Variants in LRP1B observed in about 807,000 individuals in gnomAD.
LRP1B encodes LDL receptor related protein 1B.
A neutral mutation model predicts 556.6 loss-of-function variants in LRP1B; 217 were observed. The ratio of observed to expected loss-of-function variants is 0.39; its 90% CI spans 0.35 to 0.44. The LOEUF is 0.44. LRP1B is among the 20% of genes least tolerant of loss of function. The pLI is 1.00. For synonymous variants in LRP1B, 2,047 were observed against 1,865.8 expected (o/e 1.10, Z -2.50); for missense variants, 5,053 against 5,620.8 (o/e 0.90, Z 3.23).
chr2:140,761,204 T>A (rs1031177626), intron 35 of LRP1B, among the ~76,000 whole-genome samples: 1 of 152,214 alleles, frequency 6.6e-6, no homozygotes, highest in African/African-American at 2.4e-5. Flanking sequence ...TTTACATTAA[T>A]AATTCATTAT....
intron 7 of LRP1B, among the ~76,000 whole-genome samples, chr2:141,182,590 A>G (rs867826725): frequency 1.3e-5 from 2 of 152,132 alleles, no homozygotes; most frequent in Middle Eastern, 3.4e-3. Context: ...AGAAGCTGCA[A>G]CATTTCAATA....
intron 11 of LRP1B, among the ~76,000 whole-genome samples, chr2:141,034,976 G>A (rs561098275): frequency 3.9e-5 from 6 of 151,928 alleles, no homozygotes; most frequent in Non-Finnish European, 1.5e-5. Context: ...AACAATGATA[G>A]ACTGGATTAA....
At chr2:141,872,246 T>C (rs1052495018) in intron 1 of LRP1B, among the ~76,000 whole-genome samples, 2 of 151,944 alleles carry the variant, frequency 1.3e-5, no homozygotes, top group Non-Finnish European at 2.9e-5. Flanking sequence ...TTTCCTTGAA[T>C]GTGAAATTCA....
intron 3 of LRP1B, among the ~76,000 whole-genome samples, chr2:141,291,433 G>C (rs1227326255): frequency 6.6e-6 from 1 of 151,840 alleles, no homozygotes; most frequent in Non-Finnish European, 1.5e-5. Context: ...GAAAATTTCT[G>C]CTTGCTACCA....
chr2:141,481,923 C>T (rs1359871258), intron 2 of LRP1B, among the ~76,000 whole-genome samples: 1 of 152,102 alleles, frequency 6.6e-6, no homozygotes, highest in Admixed American at 6.5e-5. Context: ...AGGTAAGTTG[C>T]TTTTTGGTAA....
At chr2:140,303,338 C>T (rs1355239310) in intron 83 of LRP1B, among the ~76,000 whole-genome samples, 1 of 151,982 alleles carries the variant, frequency 6.6e-6, no homozygotes, top group Non-Finnish European at 1.5e-5. Flanking sequence ...ACCTCCGCCT[C>T]CCGGGTTCAC....
At chr2:140,419,077 A>T (rs1192287974) in intron 66 of LRP1B, among the ~76,000 whole-genome samples, 1 of 152,200 alleles carries the variant, frequency 6.6e-6, no homozygotes, top group Non-Finnish European at 1.5e-5. Flanking sequence ...TTAGGGAAAC[A>T]TTTCTGAGCA....
At chr2:140,927,433 G>T (rs1030353769) in intron 20 of LRP1B, among the ~76,000 whole-genome samples, 1 of 152,044 alleles carries the variant, frequency 6.6e-6, no homozygotes, top group Non-Finnish European at 1.5e-5. Flanking sequence ...TTTGGAGTCT[G>T]CTCAGTTTTA....
chr2:140,291,318 A>AAATTTTTTT (rs1683371112), intron 84 of LRP1B, among the ~76,000 whole-genome samples: 2 of 109,334 alleles, frequency 1.8e-5, no homozygotes, highest in African/African-American at 3.0e-5. Context: ...ATATATATAT[A>AAATTTTTTT]TTTTTATTAT....
intron 1 of LRP1B, among the ~76,000 whole-genome samples, chr2:141,897,862 A>T (rs1699500362): frequency 6.6e-6 from 1 of 152,158 alleles, no homozygotes; most frequent in African/African-American, 2.4e-5. Flanking sequence ...CATTAGCTAC[A>T]TGTGCAAAAA....
At chr2:141,416,193 G>A (rs967391483) in intron 3 of LRP1B, among the ~76,000 whole-genome samples, 1 of 152,152 alleles carries the variant, frequency 6.6e-6, no homozygotes, top group Non-Finnish European at 1.5e-5. Flanking sequence ...CTCACCAGGT[G>A]AGGCTTTCTC....
intron 85 of LRP1B, among the ~76,000 whole-genome samples, chr2:140,272,544 G>A (rs1017463711): frequency 2.0e-5 from 3 of 151,876 alleles, no homozygotes; most frequent in African/African-American, 7.3e-5. Context: ...CTGTGTATTA[G>A]AAACACAACT....
intron 2 of LRP1B, among the ~76,000 whole-genome samples, chr2:141,758,007 A>C (rs1048193246): frequency 6.6e-6 from 1 of 152,218 alleles, no homozygotes; most frequent in Non-Finnish European, 1.5e-5. Flanking sequence ...AACCTTGTCT[A>C]GAACCAGAAA....
At chr2:141,275,438 G>T (rs1685250103) in intron 3 of LRP1B, among the ~76,000 whole-genome samples, 1 of 152,190 alleles carries the variant, frequency 6.6e-6, no homozygotes, top group South Asian at 2.1e-4. Context: ...GTCGGGTGTG[G>T]TGGCTCATGC....
chr2:141,890,506 A>C (rs919016731), intron 1 of LRP1B, among the ~76,000 whole-genome samples: 6 of 151,652 alleles, frequency 4.0e-5, no homozygotes, highest in African/African-American at 1.2e-4. Flanking sequence ...TCATTGACAA[A>C]ATATGTTGGT....
At chr2:142,029,747 C>T in intron 1 of LRP1B, among the ~76,000 whole-genome samples, 1 of 151,738 alleles carries the variant, frequency 6.6e-6, no homozygotes, top group Non-Finnish European at 1.5e-5. Flanking sequence ...AATGTTTTAC[C>T]CGCACAGTAT....
intron 2 of LRP1B, among the ~76,000 whole-genome samples, chr2:141,708,031 ATTAGT>A (rs372500683): frequency 4.7e-4 from 71 of 152,282 alleles, no homozygotes; most frequent in African/African-American, 1.6e-3. Flanking sequence ...TAAGTGGCAC[ATTAGT>A]TTAGGCAACT....
chr2:140,505,727 C>G (rs1473508119), intron 53 of LRP1B, among the ~76,000 whole-genome samples: 1 of 152,150 alleles, frequency 6.6e-6, no homozygotes, highest in Admixed American at 6.5e-5. Flanking sequence ...CTGATATCCA[C>G]TAATTTCAGT....
chr2:141,844,887 A>G lies in LRP1B; in HGVS notation c.83-34486T>C, dbSNP rs116024260. Among the ~76,000 whole-genome samples the G allele has an allele frequency of 4.9e-3, 746 of 152,112 alleles. 4 individuals are homozygous for G. Among genetic ancestry groups the G allele is most frequent in the Non-Finnish European group, 8.7e-3 (593 of 67,938 alleles). On this transcript the variant is annotated intron_variant, in intron 1 of 90. Coordinates refer to ENST00000389484, the MANE Select transcript of LRP1B (RefSeq NM_018557.3). Reference sequence around the variant, plus strand: ...TAAAAGCATTTGAGATGCTATGATTATATAGACTTCTATATTCTTATTCCA... The same window carrying G: ...TAAAAGCATTTGAGATGCTATGATTGTATAGACTTCTATATTCTTATTCCA...
Sources: allele counts gnomAD v4.1 joint callset (sites outside exome capture counted in the v4.1 genomes callset), GRCh38; gene constraint gnomAD v4.1.1; transcripts MANE v1.5; gene names NCBI Gene and HGNC (gene_info 2026-07-23, HGNC 2026-07-21).